The following POLDIP3 variants were observed in gnomAD, a reference collection of about 807,000 sequenced individuals.
POLDIP3 encodes the protein polymerase delta-interacting protein 3.
A neutral mutation model predicts 45.1 loss-of-function variants in POLDIP3; 14 were observed. The ratio of observed to expected loss-of-function variants is 0.31; its 90% confidence interval spans 0.20 to 0.49. The LOEUF is 0.49. Among genes scored for constraint, POLDIP3 ranks in the 20% least tolerant of loss-of-function variants. POLDIP3 has a pLI of 0.99. For synonymous variants in POLDIP3, 223 were observed against 205.2 expected, an observed-to-expected ratio of 1.09 and a Z score of -0.74; for missense variants, 511 against 538.8, an observed-to-expected ratio of 0.95 and a Z score of 0.51.
At chr22:42,607,320 C>G (rs1021235147) in intron 1 of POLDIP3, among the ~76,000 whole-genome samples, 6 of 152,252 alleles carry the variant, frequency 3.9e-5, no homozygotes, top group African/African-American at 1.4e-4. Flanking sequence ...GCTGTGTTGG[C>G]CGGGCTGGTC....
chr22:42,612,538 A>G (rs1927189650), intron 1 of POLDIP3, among the ~76,000 whole-genome samples: 2 of 152,202 alleles, frequency 1.3e-5, no homozygotes, highest in South Asian at 2.1e-4. Context: ...ACTTTAAAAC[A>G]TACCTTCTGG....
chr22:42,594,118 G>A (rs902595716), intron 6 of POLDIP3, among the ~76,000 whole-genome samples: 6 of 151,916 alleles, frequency 3.9e-5, no homozygotes, highest in East Asian at 1.9e-4. Context: ...AAAATTAGCC[G>A]GGTGTGGTGG....
intron 4 of POLDIP3, 119 bp from the exon 5 acceptor site, chr22:42,596,484 C>T: frequency 2.0e-6 from 2 of 1,009,624 alleles, no homozygotes; most frequent in Non-Finnish European, 2.9e-6. Context: ...CTCTCTAATT[C>T]TATTAGAGGT....
chr22:42,599,870 A>C, intron 3 of POLDIP3, 77 bp from the exon 4 acceptor site: 2 of 1,057,386 alleles, frequency 1.9e-6, no homozygotes, highest in East Asian at 5.0e-5. Flanking sequence ...AGGCATGGCA[A>C]GGAAATGGCT....
At chr22:42,607,340 C>T (rs1034063629) in intron 1 of POLDIP3, among the ~76,000 whole-genome samples, 1 of 152,248 alleles carries the variant, frequency 6.6e-6, no homozygotes, top group Non-Finnish European at 1.5e-5. Flanking sequence ...CTCCAGCTCC[C>T]GACCGCAAGT....
intron 6 of POLDIP3, among the ~76,000 whole-genome samples, chr22:42,595,242 T>C (rs1440405358): frequency 6.6e-6 from 1 of 152,260 alleles, no homozygotes; most frequent in East Asian, 1.9e-4. Flanking sequence ...ACTGAGTCTT[T>C]AATGAGCTTC....
At chr22:42,589,330 A>T (rs576958976) in intron 7 of POLDIP3, among the ~76,000 whole-genome samples, 6 of 152,200 alleles carry the variant, frequency 3.9e-5, no homozygotes, top group Non-Finnish European at 7.3e-5. Flanking sequence ...CTTATTAGCT[A>T]TTAGTAATAT....
At position 42,584,999 on chromosome 22, in the gene POLDIP3, G is replaced by A. The variant is rs1925204659; in HGVS notation, c.*792C>T. 1 of 456,204 alleles carries A rather than the reference G, an allele frequency of 2.2e-6. No homozygotes were observed. The highest frequency in any genetic ancestry group is 2.0e-5 in the African/African-American group (1 of 50,076). 28.3% of individuals were successfully genotyped at this position (456,204 alleles called of 1,614,324 possible). A position where few individuals can be genotyped will look rare whatever the true frequency, so the allele number is the denominator to read the frequency against. On this transcript the variant is annotated 3_prime_UTR_variant, in exon 9 of 9. Coordinates refer to ENST00000252115, the MANE Select transcript of POLDIP3 (RefSeq NM_032311.5). ...CAGGGTGTGGTTAAGTGCCAGGCGA[G>A]GTGAGAACCGGGAGGGCTCACAACA...
chr22:42,603,026 G>A lies in POLDIP3; in HGVS notation c.194C>T (p.Ala65Val). ...ATCCTTGACTCCCAGTTTGAGCCGG[G>A]CATCTGAGAGGCCAATCTTCTGCCG... ...DARQKIGLSD[A>V]RLKLGVKDAR... The change falls in exon 2 of 9, where the codon GCC becomes GTC. Residue 65 changes from alanine to valine, a missense_variant. Around this residue, in one of 4 missense-constraint regions of POLDIP3, gnomAD observed 378 missense variants for 352.3 expected, o/e 1.07. Coordinates refer to ENST00000252115, the MANE Select transcript of POLDIP3 (RefSeq NM_032311.5). The A allele has an allele frequency of 6.2e-7, 1 of 1,614,112 alleles. No homozygotes were observed. The highest frequency in any genetic ancestry group is 8.5e-7 in the Non-Finnish European group (1 of 1,180,004).
Position 42,585,586 on chromosome 22 carries a change from A to G in POLDIP3, c.*205T>C. On this transcript the variant is annotated 3_prime_UTR_variant, in exon 9 of 9. Transcript: ENST00000252115. ...GCGATGAGATGAAGAAACATACTAC[A>G]GGAAACGTTAACGTAGAGAGAAGAG... 1 of 596,776 alleles carries G rather than the reference A, an allele frequency of 1.7e-6. No individual in the cohort carries two copies. The highest frequency in any genetic ancestry group is 2.9e-6 in the Non-Finnish European group (1 of 339,672). The allele number at this position is 596,776 out of a possible 1,614,324, so 37.0% of individuals were successfully genotyped here.
rs530959339 is a variant in POLDIP3, at chr22:42,596,341, A to C, written c.658T>G (p.Ser220Ala). The change falls in exon 5 of 9, where the codon TCC becomes GCC. Residue 220 changes from serine (S) to alanine (A), a missense_variant. Physicochemically the swap from Ser to Ala is moderately conservative, Grantham distance 99. This residue lies in a region of POLDIP3 where 378 missense variants were observed against 352.3 expected (regional missense o/e 1.07). Coordinates refer to ENST00000252115, the MANE Select transcript of POLDIP3 (RefSeq NM_032311.5). ...HMAGLSSSKL[S>A]MSKALPLTKV... ...GTGAGAGGGAGGGCCTTGGACATGGAAAGCTTGGAACTGCTTAGCCCAGCC... is the reference window on the plus strand; with the variant it reads ...GTGAGAGGGAGGGCCTTGGACATGGCAAGCTTGGAACTGCTTAGCCCAGCC... 6.2e-7 allele frequency: 1 copy of C among 1,614,172 alleles called. No homozygotes were observed. The highest frequency in any genetic ancestry group is 1.1e-5 in the South Asian group (1 of 91,080).
Position 42,585,844 on chromosome 22 carries a change from A to T in POLDIP3, c.1213T>A (p.Ser405Thr). ...PDTILKALFKSSGASVTTQPT... is the reference protein window; with the variant it reads ...PDTILKALFKTSGASVTTQPT... ...TGCGTGGTCACAGAGGCCCCTGAGG[A>T]CTTGAAGAGTGCCTTCAGGATGGTG... is the stretch of plus-strand genomic sequence containing the variant. The change falls in exon 9 of 9, where the codon TCC (serine) becomes ACC (threonine). Residue 405 changes from serine (S) to threonine (T), a missense_variant. Transcript: ENST00000252115. 1 of 1,613,094 alleles carries T rather than the reference A, an allele frequency of 6.2e-7. No homozygotes were observed.
intron 2 of POLDIP3, 151 bp from the exon 3 acceptor site, chr22:42,602,207 T>A: frequency 8.2e-7 from 1 of 1,225,464 alleles, no homozygotes; most frequent in Non-Finnish European, 1.1e-6. Context: ...CAGTAGGAAG[T>A]AACAGAAGAA....
Position 42,604,169 on chromosome 22 carries a change from ACTC to A in POLDIP3, c.60-1012_60-1010del, listed in dbSNP as rs369035643. Reference sequence around the variant, plus strand: ...CATGCGGCAGACGCTCTGCCTGCGGACTCCTATGTCAAGGGGTGCTCTTTGGGA... The same window carrying A: ...CATGCGGCAGACGCTCTGCCTGCGGACTATGTCAAGGGGTGCTCTTTGGGA... On this transcript the variant is annotated intron_variant, in intron 1 of 8. Coordinates refer to ENST00000252115, the MANE Select transcript of POLDIP3 (RefSeq NM_032311.5). Among the ~76,000 whole-genome samples, 338 of 151,924 alleles carry A rather than the reference ACTC, an allele frequency of 2.2e-3. 1 individual carries two copies. The highest frequency in any genetic ancestry group is 7.7e-3 in the African/African-American group (318 of 41,404).
At chr22:42,610,406 A>G (rs897242084) in intron 1 of POLDIP3, among the ~76,000 whole-genome samples, 1 of 151,744 alleles carries the variant, frequency 6.6e-6, no homozygotes, top group Non-Finnish European at 1.5e-5. Flanking sequence ...TCCCCCAACA[A>G]CCTCCCACTT....
At position 42,603,132 on chromosome 22, in the gene POLDIP3, C is replaced by T. The variant is rs181765863; in HGVS notation, c.88G>A (p.Val30Ile). 10 of 1,614,082 alleles carry T rather than the reference C, an allele frequency of 6.2e-6. No homozygotes were observed. The highest frequency in any genetic ancestry group is 8.5e-6 in the Non-Finnish European group (10 of 1,179,994). ...TGCTGGATCCCAACTCGAGATCGGA[C>T]ACCTCCAACTCCCGGTCTGGCATTA... is the stretch of plus-strand genomic sequence containing the variant. ...RLNARPGVGG[V>I]RSRVGIQQGL... The change falls in exon 2 of 9, where the codon GTC becomes ATC. Residue 30 changes from valine to isoleucine, a missense_variant. Val to Ile is a conservative substitution (Grantham distance 29, BLOSUM62 3). Coordinates refer to ENST00000252115, the MANE Select transcript of POLDIP3 (RefSeq NM_032311.5).
intron 1 of POLDIP3, chr22:42,603,768 G>GA (rs1569303150): frequency 6.6e-6 from 1 of 152,280 alleles, no homozygotes; most frequent in South Asian, 2.1e-4. Context: ...AGGAAAGAAA[G>GA]AAAAAATTGC....
intron 6 of POLDIP3, among the ~76,000 whole-genome samples, chr22:42,594,271 C>G (rs1197984362): frequency 2.6e-5 from 4 of 151,810 alleles, no homozygotes; most frequent in African/African-American, 9.7e-5. Context: ...TTAAAAAAAA[C>G]AAATCGAGGT....
chr22:42,588,865 A>G (rs1156677314), intron 7 of POLDIP3, among the ~76,000 whole-genome samples: 2 of 152,160 alleles, frequency 1.3e-5, no homozygotes, highest in African/African-American at 4.8e-5. Context: ...CAATCAGGTG[A>G]TCCGCCTGGC....
Sources: allele counts gnomAD v4.1 joint callset (sites outside exome capture counted in the v4.1 genomes callset), GRCh38; gene constraint gnomAD v4.1.1; regional missense constraint gnomAD v4.1.1; transcripts MANE v1.5; gene names NCBI Gene and HGNC (gene_info 2026-07-23, HGNC 2026-07-21).